AHI1: variants seen among roughly 807,000 people sequenced by gnomAD.
AHI1 encodes Abelson helper integration site 1.
In AHI1, 123 loss-of-function variants were observed where a neutral mutation model predicts 149.3. That is an observed-to-expected ratio of 0.82 (90% CI 0.71 to 0.96). AHI1 has a LOEUF of 0.96. Among genes scored for constraint, AHI1 ranks in the 40% least tolerant of loss-of-function variants. The pLI is 0.00. For synonymous variants in AHI1, 475 were observed against 459.8 expected (o/e 1.03, Z -0.42); for missense variants, 1,439 against 1,422.7 (o/e 1.01, Z -0.18).
In AHI1 at chr6:135,490,675, C is replaced by A. The variant is rs36115433; in HGVS notation, c.83G>T (p.Arg28Leu). 1 of 1,613,318 alleles carries A rather than the reference C, an allele frequency of 6.2e-7. No individual in the cohort carries two copies. The highest frequency in any genetic ancestry group is 8.5e-7 in the Non-Finnish European group (1 of 1,179,448). Reference protein sequence around the residue: ...ELLKTHSDLMREKKKLKKKLV... With the variant: ...ELLKTHSDLMLEKKKLKKKLV... ...TTTTTTCTTCAGTTTTTTCTTTTCA[C>A]GCATTAGATCACTGTGGGTCTTAAG... Residue 28 changes from arginine to leucine, a missense_variant, in exon 5 of 29, where the codon CGT becomes CTT. Transcript: ENST00000265602.
intron 23 of AHI1, among the ~76,000 whole-genome samples, chr6:135,385,919 G>A (rs1777512057): frequency 2.6e-5 from 4 of 152,226 alleles, no homozygotes. Flanking sequence ...ATAAGTCTGA[G>A]GCTTTAATAT....
intron 14 of AHI1, among the ~76,000 whole-genome samples, chr6:135,441,664 T>G (rs1214205990): frequency 1.3e-5 from 2 of 152,180 alleles, no homozygotes; most frequent in Non-Finnish European, 2.9e-5. Flanking sequence ...CGGAATAAAA[T>G]AATTCTTTCA....
Position 135,465,899 on chromosome 6 carries a change from C to T in AHI1, c.664G>A (p.Asp222Asn). Reference protein sequence around the residue: ...LKEQLTYFPSDTLFHDDKLSS... With the variant: ...LKEQLTYFPSNTLFHDDKLSS... ...AGTTTGTCATCATGGAATAAAGTAT[C>T]TGAGGGAAAGTAAGTCAACTGTTCT... Residue 222 changes from aspartate (D) to asparagine (N), a missense_variant, in exon 7 of 29, where the codon GAT (aspartate) becomes AAT (asparagine). By Grantham distance (23) the Asp-to-Asn change is conservative. Transcript: ENST00000265602. 1 of 1,584,608 alleles carries T rather than the reference C, an allele frequency of 6.3e-7. No individual in the cohort carries two copies. Among genetic ancestry groups the T allele is most frequent in the Non-Finnish European group, 8.6e-7 (1 of 1,167,310 alleles).
intron 23 of AHI1, among the ~76,000 whole-genome samples, chr6:135,364,638 C>G (rs1396340201): frequency 1.3e-5 from 2 of 151,908 alleles, no homozygotes; most frequent in African/African-American, 2.4e-5. Flanking sequence ...GTCTGCAATC[C>G]CGGCACCTCG....
chr6:135,439,477 G>C (rs1785927063), intron 14 of AHI1, among the ~76,000 whole-genome samples: 1 of 152,112 alleles, frequency 6.6e-6, no homozygotes, highest in Non-Finnish European at 1.5e-5. Flanking sequence ...AGGTGCAAGA[G>C]TAATCATGTT....
intron 26 of AHI1, among the ~76,000 whole-genome samples, chr6:135,317,245 C>T (rs1041918638): frequency 2.6e-5 from 4 of 151,824 alleles, no homozygotes; most frequent in African/African-American, 4.8e-5. Flanking sequence ...CCCTGAATTA[C>T]GTCCTTCAGG....
chr6:135,340,586 T>C (rs1446070176), intron 24 of AHI1, among the ~76,000 whole-genome samples: 2 of 145,032 alleles, frequency 1.4e-5, no homozygotes, highest in South Asian at 2.2e-4. Context: ...AAAATCCATT[T>C]AAAGAAATAA....
chr6:135,422,183 C>T (rs1230141998), intron 20 of AHI1, among the ~76,000 whole-genome samples: 2 of 152,036 alleles, frequency 1.3e-5, no homozygotes, highest in Non-Finnish European at 2.9e-5. Context: ...TTCTACTAGA[C>T]ATTATCTGAT....
intron 23 of AHI1, among the ~76,000 whole-genome samples, chr6:135,364,867 C>A (rs1773908533): frequency 6.6e-6 from 1 of 152,030 alleles, no homozygotes; most frequent in African/African-American, 2.4e-5. Flanking sequence ...GGCTTGGCAT[C>A]AGAGGGAGAC....
At chr6:135,346,479 C>T (rs796277457) in intron 24 of AHI1, among the ~76,000 whole-genome samples, 16 of 152,104 alleles carry the variant, frequency 1.1e-4, no homozygotes, top group African/African-American at 3.9e-4. Flanking sequence ...GGATTACAGG[C>T]GTGAGCCATC....
chr6:135,425,733 C>T (rs1434186734), intron 20 of AHI1, among the ~76,000 whole-genome samples: 1 of 151,754 alleles, frequency 6.6e-6, no homozygotes, highest in Non-Finnish European at 1.5e-5. Flanking sequence ...TCCTAAAATG[C>T]TTAGCTCTTT....
At chr6:135,336,112 TAAA>T (rs57344793) in intron 24 of AHI1, among the ~76,000 whole-genome samples, 3 of 76,482 alleles carry the variant, frequency 3.9e-5, no homozygotes, top group Admixed American at 1.5e-4. Flanking sequence ...AAACTCCGTC[TAAA>T]AAAAAAAAAA....
At chr6:135,390,653 A>T (rs1315675743) in intron 23 of AHI1, among the ~76,000 whole-genome samples, 3 of 152,156 alleles carry the variant, frequency 2.0e-5, no homozygotes, top group Non-Finnish European at 4.4e-5. Context: ...CATGACTGCC[A>T]CTAGCTATGT....
At position 135,417,426 on chromosome 6, in the gene AHI1, T is replaced by C. The variant is rs1262361487; in HGVS notation, c.2765-5882A>G. ...TTCAGTATTTTTCATTTTACTCTTT[T>C]TGTCAAACTATTTTCTAAGTATTAT... On this transcript the variant is annotated intron_variant, in intron 20 of 28. Coordinates refer to ENST00000265602, the MANE Select transcript of AHI1 (RefSeq NM_001134831.2). Among the ~76,000 whole-genome samples the C allele has an allele frequency of 2.6e-5, 4 of 152,044 alleles. No individual in the cohort carries two copies. The East Asian group carries it at 7.7e-4, about 29-fold the overall frequency.
chr6:135,374,100 ATATATATATTTTTT>A (rs1477138119), intron 23 of AHI1, among the ~76,000 whole-genome samples: 17 of 49,208 alleles, frequency 3.5e-4, no homozygotes, highest in African/African-American at 1.4e-3. Flanking sequence ...ATATATATAT[ATATATATATTTTTT>A]TTTTTTTTTT....
intron 24 of AHI1, among the ~76,000 whole-genome samples, chr6:135,343,635 G>GA (rs200714419): frequency 0.039 from 5,176 of 133,724 alleles, 108 homozygotes; most frequent in Admixed American, 0.066. Flanking sequence ...CCATTAAAAG[G>GA]AAAAAAAAAA....
At chr6:135,342,115 T>G (rs564953086) in intron 24 of AHI1, among the ~76,000 whole-genome samples, 17 of 151,836 alleles carry the variant, frequency 1.1e-4, no homozygotes, top group African/African-American at 3.9e-4. Context: ...AAAGAAGAAG[T>G]ATCATTAACT....
intron 4 of AHI1, 26 bp from the exon 5 acceptor site, chr6:135,490,773 T>C (rs1042498678): frequency 6.2e-6 from 10 of 1,609,486 alleles, no homozygotes; most frequent in Non-Finnish European, 5.1e-6. Context: ...CCATGTGATT[T>C]TGTAAATGAC....
At chr6:135,416,349 A>G (rs1436329139) in intron 20 of AHI1, among the ~76,000 whole-genome samples, 1 of 151,666 alleles carries the variant, frequency 6.6e-6, no homozygotes, top group African/African-American at 2.4e-5. Context: ...TAGTAATAAA[A>G]ATGCAAATTA....
Sources: allele counts gnomAD v4.1 joint callset (sites outside exome capture counted in the v4.1 genomes callset), GRCh38; gene constraint gnomAD v4.1.1; transcripts MANE v1.5; gene names NCBI Gene and HGNC (gene_info 2026-07-23, HGNC 2026-07-21).